The following NIFK variants were observed in gnomAD, a reference collection of about 807,000 sequenced individuals.
The protein encoded by NIFK is nucleolar protein interacting with the FHA domain of MKI67.
A neutral mutation model predicts 31.7 loss-of-function variants in NIFK; 16 were observed. That is an observed-to-expected ratio of 0.50 (90% confidence interval 0.34 to 0.77). The LOEUF (loss-of-function observed/expected upper bound fraction) is 0.77. NIFK is among the 30% of genes least tolerant of loss of function. The pLI is 0.01. For synonymous variants in NIFK, 126 were observed against 123.0 expected, an observed-to-expected ratio of 1.02 and a Z score of -0.16; for missense variants, 341 against 350.4, an observed-to-expected ratio of 0.97 and a Z score of 0.21.
chr2:121,728,317 C>A lies in NIFK; in HGVS notation c.664G>T (p.Asp222Tyr). 1 of 1,608,188 alleles carries A rather than the reference C, an allele frequency of 6.2e-7. No homozygotes were observed. ...KKKKKVSGTLDTPEKTVDSQG... is the reference protein window; with the variant it reads ...KKKKKVSGTLYTPEKTVDSQG... ...CTATCCACAGTCTTCTCAGGAGTGT[C>A]AAGAGTACCTGAAACTTTTTTCTTC... The change falls in exon 6 of 7, where the codon GAC becomes TAC. Residue 222 changes from aspartate (D) to tyrosine (Y), a missense_variant. Asp to Tyr is a radical substitution (Grantham distance 160). Coordinates refer to ENST00000285814, the MANE Select transcript of NIFK (RefSeq NM_032390.5).
intron 3 of NIFK, among the ~76,000 whole-genome samples, chr2:121,731,397 C>A (rs189325574): frequency 6.6e-6 from 1 of 152,166 alleles, no homozygotes; most frequent in East Asian, 1.9e-4. Flanking sequence ...TCTCTGCACC[C>A]TATGGACTGC....
Position 121,736,778 on chromosome 2 carries a change from C to T in NIFK, c.73G>A (p.Glu25Lys), listed in dbSNP as rs1428377823. Residue 25 changes from glutamate to lysine, a missense_variant, in exon 1 of 7, where the codon GAG becomes AAG. Physicochemically the swap from Glu to Lys is moderately conservative, Grantham distance 56. Coordinates refer to ENST00000285814, the MANE Select transcript of NIFK (RefSeq NM_032390.5). ...NPQEDVEFQK[E>K]VAQVRKRITQ... Reference sequence around the variant, plus strand: ...ATGCGCTTGCGAACCTGCGCCACCTCCTTTTGAAACTCGACATCTTCCTGC... The same window carrying T: ...ATGCGCTTGCGAACCTGCGCCACCTTCTTTTGAAACTCGACATCTTCCTGC... 1 of 1,614,170 alleles carries T rather than the reference C, an allele frequency of 6.2e-7. No individual in the cohort carries two copies. The highest frequency in any genetic ancestry group is 2.2e-5 in the East Asian group (1 of 44,886).
In NIFK at chr2:121,735,759, G is replaced by A. The variant is rs761840101; in HGVS notation, c.106-9C>T. The A allele has an allele frequency of 2.5e-6, 4 of 1,606,746 alleles. No homozygotes were observed. The highest frequency in any genetic ancestry group is 1.1e-5 in the South Asian group (1 of 89,888). On this transcript the variant is annotated splice_polypyrimidine_tract_variant and intron_variant, in intron 1 of 6. Transcript: ENST00000285814. ...TGTTCTTGTTTTTTTCGCTAAAGAC[G>A]TAAAGACCAGGTAAATTAAATATAT... is the stretch of plus-strand genomic sequence containing the variant.
intron 4 of NIFK, among the ~76,000 whole-genome samples, chr2:121,729,950 C>T (rs369668050): frequency 6.6e-6 from 1 of 152,230 alleles, no homozygotes; most frequent in Non-Finnish European, 1.5e-5. Context: ...TGGTGGCTCA[C>T]ACCTGTAATC....
chr2:121,736,675 T>C (rs1034618418), intron 1 of NIFK, 71 bp downstream of exon 1: 1 of 1,351,742 alleles, frequency 7.4e-7, no homozygotes, highest in African/African-American at 1.4e-5. Context: ...CCGGAAACCG[T>C]GCAACCCCAG....
In NIFK at chr2:121,727,589, CCTTAA is replaced by C. The variant is rs2074500265; in HGVS notation, c.*130_*134del. On this transcript the variant is annotated 3_prime_UTR_variant, in exon 7 of 7. Coordinates refer to ENST00000285814, the MANE Select transcript of NIFK (RefSeq NM_032390.5). ...GCAATCCAAAATTACACACTGCTTT[CCTTAA>C]CTTGACCAAACAGTGTATTTTTCCT... The C allele has an allele frequency of 1.2e-6, 1 of 806,878 alleles. No individual in the cohort carries two copies. Among genetic ancestry groups the C allele is most frequent in the Non-Finnish European group, 2.1e-6 (1 of 478,686 alleles). The allele number at this position is 806,878 out of a possible 1,614,324, so 50.0% of individuals were successfully genotyped here. A position where few individuals can be genotyped will look rare whatever the true frequency, so the allele number is the denominator to read the frequency against.
intron 2 of NIFK, among the ~76,000 whole-genome samples, 156 bp from the exon 3 acceptor site, chr2:121,732,360 G>A (rs1178834060): frequency 2.0e-5 from 3 of 152,124 alleles, no homozygotes; most frequent in Non-Finnish European, 4.4e-5. Context: ...ATATTCCGGG[G>A]ACTGTTATGG....
chr2:121,728,474 T>C lies in NIFK; in HGVS notation c.624+3A>G. 6.3e-7 allele frequency: 1 copy of C among 1,582,214 alleles called. No homozygotes were observed. Among genetic ancestry groups the C allele is most frequent in the South Asian group, 1.2e-5 (1 of 85,466 alleles). On this transcript the variant is annotated splice_donor_region_variant and intron_variant, in intron 5 of 6. Coordinates refer to ENST00000285814, the MANE Select transcript of NIFK (RefSeq NM_032390.5). ...GCATGTAAAATGATAAAAAAAATTT[T>C]ACCTGGCCTTTTGTAGACGTCTGAC...
rs1353523668 is a variant in NIFK at position 121,735,816 on chromosome 2, T to C, written c.106-66A>G. 3 of 1,381,830 alleles carry C rather than the reference T, an allele frequency of 2.2e-6. No individual in the cohort carries two copies. In the East Asian group the frequency reaches 7.4e-5, roughly 34 times the overall value. The allele number at this position is 1,381,830 out of a possible 1,614,324, so 85.6% of individuals were successfully genotyped here. ...GAAAATCACATTGTAACAAAACCCCTAGCCCTCGGCCCAAGAACCTATTCT... is the reference window on the plus strand; with the variant it reads ...GAAAATCACATTGTAACAAAACCCCCAGCCCTCGGCCCAAGAACCTATTCT... On this transcript the variant is annotated intron_variant, in intron 1 of 6. Transcript: ENST00000285814.
At chr2:121,731,485 T>G (rs2074539528) in intron 3 of NIFK, among the ~76,000 whole-genome samples, 1 of 152,210 alleles carries the variant, frequency 6.6e-6, no homozygotes, top group South Asian at 2.1e-4. Flanking sequence ...TCCCTCTGGC[T>G]TCTCTCGTGT....
chr2:121,732,157 A>G lies in NIFK; in HGVS notation c.291T>C (p.Asp97=). ...TTGTTTCAGCAACTATTTTGGCAAC[A>G]TCCTCAGACTCAAACTCCACAAATG... ...GYAFVEFESE[D]VAKIVAETMN... is the part of the protein sequence containing the mutation. Residue 97 remains aspartate, a synonymous_variant, in exon 3 of 7, where the codon GAT becomes GAC. Transcript: ENST00000285814. 6.2e-7 allele frequency: 1 copy of G among 1,613,752 alleles called. No homozygotes were observed.
In NIFK at chr2:121,735,836, T is replaced by C. The variant is rs928577490; in HGVS notation, c.106-86A>G. On this transcript the variant is annotated intron_variant, in intron 1 of 6. Coordinates refer to ENST00000285814, the MANE Select transcript of NIFK (RefSeq NM_032390.5). ...ACCCCTAGCCCTCGGCCCAAGAACC[T>C]ATTCTGCATTTCCACTTACCACAGT... 17 of 1,107,932 alleles carry C rather than the reference T, an allele frequency of 1.5e-5. No individual in the cohort carries two copies. The African/African-American group carries it at 2.7e-4, about 18-fold the overall frequency. The allele number at this position is 1,107,932 out of a possible 1,614,324, so 68.6% of individuals were successfully genotyped here. A position where few individuals can be genotyped will look rare whatever the true frequency, so the allele number is the denominator to read the frequency against.
chr2:121,727,691 A>G lies in NIFK; in HGVS notation c.*33T>C, dbSNP rs767192913. On this transcript the variant is annotated 3_prime_UTR_variant, in exon 7 of 7. Coordinates refer to ENST00000285814, the MANE Select transcript of NIFK (RefSeq NM_032390.5). Reference sequence around the variant, plus strand: ...CAAAGTCCACTCTCATAAAAATATTATATTTTTCAAAAGAAATATAATACA... The same window carrying G: ...CAAAGTCCACTCTCATAAAAATATTGTATTTTTCAAAAGAAATATAATACA... The G allele has an allele frequency of 3.1e-5, 47 of 1,493,706 alleles. No homozygotes were observed. Among genetic ancestry groups the G allele is most frequent in the Admixed American group, 6.1e-5 (3 of 49,416 alleles). The allele number at this position is 1,493,706 out of a possible 1,614,324, so 92.5% of individuals were successfully genotyped here.
intron 2 of NIFK, among the ~76,000 whole-genome samples, chr2:121,734,315 A>C (rs1207222788): frequency 1.3e-5 from 2 of 152,150 alleles, no homozygotes; most frequent in Admixed American, 1.3e-4. Context: ...CTAAGTAATG[A>C]GCAATGATGA....
Position 121,727,089 on chromosome 2 carries a change from G to GA in NIFK, c.*634dup. On this transcript the variant is annotated 3_prime_UTR_variant, in exon 7 of 7. Transcript: ENST00000285814. ...AATTGCTGGTTATTGTTTGAATCTT[G>GA]AAATACAATTCTTCACTGATGATAC... 1 of 165,556 alleles carries GA rather than the reference G, an allele frequency of 6.0e-6. No individual in the cohort carries two copies. 10.3% of individuals were successfully genotyped at this position (165,556 alleles called of 1,614,324 possible).
intron 4 of NIFK, 88 bp from the exon 5 acceptor site, chr2:121,728,624 C>T (rs1410571981): frequency 1.4e-6 from 1 of 715,560 alleles, no homozygotes; most frequent in Non-Finnish European, 2.3e-6. Context: ...AGTAAATCCT[C>T]CCTAAATGAC....
At chr2:121,731,188 G>A (rs1379020955) in intron 3 of NIFK, 84 bp from the exon 4 acceptor site, 12 of 728,090 alleles carry the variant, frequency 1.6e-5, no homozygotes, top group Non-Finnish European at 2.7e-5. Flanking sequence ...ACAACAAAAT[G>A]ATATGGCTGG....
At chr2:121,730,085 G>C in intron 4 of NIFK, among the ~76,000 whole-genome samples, 1 of 151,874 alleles carries the variant, frequency 6.6e-6, no homozygotes, top group East Asian at 1.9e-4. Flanking sequence ...ATGGTGGCAC[G>C]CACCTGTAAT....
chr2:121,733,163 G>A (rs2074556032), intron 2 of NIFK, among the ~76,000 whole-genome samples: 1 of 150,230 alleles, frequency 6.7e-6, no homozygotes, highest in South Asian at 2.1e-4. Flanking sequence ...TGGATCACCT[G>A]AGGTCAGGAG....
Sources: allele counts gnomAD v4.1 joint callset (sites outside exome capture counted in the v4.1 genomes callset), GRCh38; gene constraint gnomAD v4.1.1; transcripts MANE v1.5; gene names NCBI Gene and HGNC (gene_info 2026-07-23, HGNC 2026-07-21).